Variants in IDO1 observed in about 807,000 individuals in gnomAD.
IDO1 encodes the protein indoleamine 2,3-dioxygenase 1.
Under a neutral mutation model 38.8 loss-of-function variants are expected in IDO1, and 35 were observed. That is an observed-to-expected ratio of 0.90 (90% confidence interval 0.69 to 1.20). IDO1 has a LOEUF of 1.20. Among genes scored for constraint, IDO1 ranks in the 50% most tolerant of loss-of-function variants. The pLI is 0.00. For synonymous variants in IDO1, 171 were observed against 170.0 expected, an observed-to-expected ratio of 1.01 and a Z score of -0.05; for missense variants, 509 against 485.1, an observed-to-expected ratio of 1.05 and a Z score of -0.46.
At chr8:39,914,642 G>A (rs1348149216) in intron 1 of IDO1, among the ~76,000 whole-genome samples, 1 of 152,176 alleles carries the variant, frequency 6.6e-6, no homozygotes, top group Admixed American at 6.5e-5. Context: ...TCTAACGAAT[G>A]CTATGTAAAC....
At chr8:39,925,051 T>C (rs1477889909) in intron 8 of IDO1, among the ~76,000 whole-genome samples, 172 bp from the exon 9 acceptor site, 9 of 152,172 alleles carry the variant, frequency 5.9e-5, no homozygotes, top group Admixed American at 5.9e-4. Context: ...AGGATTATAT[T>C]ATTTACTATT....
intron 6 of IDO1, among the ~76,000 whole-genome samples, chr8:39,923,102 G>T (rs972218577): frequency 2.0e-5 from 3 of 152,128 alleles, no homozygotes; most frequent in African/African-American, 7.2e-5. Flanking sequence ...TTTAATTTAT[G>T]GATTAAGACG....
chr8:39,922,653 T>C lies in IDO1; in HGVS notation c.537+2T>C. The C allele has an allele frequency of 6.3e-7, 1 of 1,598,414 alleles. No homozygotes were observed. The highest frequency in any genetic ancestry group is 8.6e-7 in the Non-Finnish European group (1 of 1,166,030). ...ATAGCAGCTGCTTCTGCAATCAAAG[T>C]ACGTCTATCCTCACTTCAAAATTTA... On this transcript the variant is annotated splice_donor_variant, in intron 6 of 9. Coordinates refer to ENST00000518237, the MANE Select transcript of IDO1 (RefSeq NM_002164.6). LOFTEE classifies it high-confidence loss of function.
At position 39,924,773 on chromosome 8, in the gene IDO1, G is replaced by T; in HGVS notation, c.707+1G>T. ...GTGTTCTTCGCATATATTTGTCTGG[G>T]TATGTAGTCTTATGTTTGAATTTGT... is the stretch of plus-strand genomic sequence containing the variant. On this transcript the variant is annotated splice_donor_variant, in intron 8 of 9. Transcript: ENST00000518237. LOFTEE classifies it high-confidence loss of function. 6.2e-7 allele frequency: 1 copy of T among 1,603,900 alleles called. No homozygotes were observed.
intron 5 of IDO1, among the ~76,000 whole-genome samples, chr8:39,921,932 C>T (rs537605896): frequency 3.9e-5 from 6 of 152,222 alleles, no homozygotes; most frequent in South Asian, 2.1e-4. Flanking sequence ...GAGAAGTTGA[C>T]GGGATAATAG....
intron 9 of IDO1, among the ~76,000 whole-genome samples, chr8:39,927,579 G>A (rs1289502871): frequency 8.8e-5 from 13 of 147,098 alleles, no homozygotes; most frequent in African/African-American, 2.5e-4. Flanking sequence ...AAAAAAAAGC[G>A]CAAACAAAAA....
chr8:39,916,078 A>C (rs377324388), intron 1 of IDO1, among the ~76,000 whole-genome samples: 1 of 152,176 alleles, frequency 6.6e-6, no homozygotes, highest in Non-Finnish European at 1.5e-5. Flanking sequence ...AGGCAGGAGA[A>C]TCGCTTGAAC....
intron 5 of IDO1, among the ~76,000 whole-genome samples, chr8:39,921,411 C>T (rs1386618404): frequency 1.3e-5 from 2 of 152,014 alleles, no homozygotes; most frequent in African/African-American, 2.4e-5. Flanking sequence ...CGAGATTGTG[C>T]CATTGCACTC....
chr8:39,921,382 G>A (rs960901883), intron 5 of IDO1, among the ~76,000 whole-genome samples: 4 of 152,082 alleles, frequency 2.6e-5, no homozygotes, highest in South Asian at 4.1e-4. Context: ...GAACCCAGGA[G>A]GCAGATGTGG....
Position 39,918,121 on chromosome 8 carries a change from C to T in IDO1, c.217C>T (p.His73Tyr). 6.2e-7 allele frequency: 1 copy of T among 1,613,906 alleles called. No homozygotes were observed. Among genetic ancestry groups the T allele is most frequent in the South Asian group, 1.1e-5 (1 of 91,088 alleles). The change falls in exon 3 of 10, where the codon CAC becomes TAC. Residue 73 changes from histidine to tyrosine, a missense_variant. His to Tyr is a moderately conservative substitution (Grantham distance 83). Transcript: ENST00000518237. ...NMLSIDHLTDHKSQRLARLVL... is the reference protein window; with the variant it reads ...NMLSIDHLTDYKSQRLARLVL... Reference sequence around the variant, plus strand: ...GCTCAGCATTGATCATCTCACAGACCACAAGTCACAGCGCCTTGCACGTCT... The same window carrying T: ...GCTCAGCATTGATCATCTCACAGACTACAAGTCACAGCGCCTTGCACGTCT...
intron 9 of IDO1, 96 bp from the exon 10 acceptor site, chr8:39,927,734 G>T: frequency 1.5e-6 from 1 of 655,872 alleles, no homozygotes; most frequent in Non-Finnish European, 2.5e-6. Flanking sequence ...ATGCTATATT[G>T]GTGATCTCCT....
chr8:39,921,010 G>A (rs1807263612), intron 5 of IDO1: 1 of 152,066 alleles, frequency 6.6e-6, no homozygotes, highest in African/African-American at 2.4e-5. Flanking sequence ...GAGTGATGGG[G>A]GAACCCTTGA....
Position 39,925,326 on chromosome 8 carries a change from C to G in IDO1, c.811C>G (p.Gln271Glu). 1 of 1,613,150 alleles carries G rather than the reference C, an allele frequency of 6.2e-7. No individual in the cohort carries two copies. Residue 271 changes from glutamine to glutamate, a missense_variant, in exon 9 of 10, where the codon CAG (glutamine) becomes GAG (glutamate). Transcript: ENST00000518237. ...GGSAGQSSVFQCFDVLLGIQQ... is the reference protein window; with the variant it reads ...GGSAGQSSVFECFDVLLGIQQ... ...CAGTGCAGGCCAAAGCAGCGTCTTT[C>G]AGTGCTTTGACGTCCTGCTGGGCAT...
At chr8:39,919,276 C>T (rs1807232265) in intron 4 of IDO1, among the ~76,000 whole-genome samples, 1 of 152,122 alleles carries the variant, frequency 6.6e-6, no homozygotes, top group African/African-American at 2.4e-5. Context: ...ATTCCCTTTC[C>T]TGCCACAGAC....
rs1807393669 is a variant in IDO1, at chr8:39,927,976, T to C, written c.1003T>C (p.Cys335Arg). 1 of 1,604,940 alleles carries C rather than the reference T, an allele frequency of 6.2e-7. No homozygotes were observed. The highest frequency in any genetic ancestry group is 8.5e-7 in the Non-Finnish European group (1 of 1,175,732). Reference sequence around the variant, plus strand: ...TGGCCTGCGGGAAGCTTATGACGCCTGTGTGAAAGCTCTGGTCTCCCTGAG... The same window carrying C: ...TGGCCTGCGGGAAGCTTATGACGCCCGTGTGAAAGCTCTGGTCTCCCTGAG... ...DAGLREAYDA[C>R]VKALVSLRSY... The change falls in exon 10 of 10, where the codon TGT becomes CGT. Residue 335 changes from cysteine to arginine, a missense_variant. Cys to Arg is a radical substitution (Grantham distance 180). Coordinates refer to ENST00000518237, the MANE Select transcript of IDO1 (RefSeq NM_002164.6).
chr8:39,926,044 G>A (rs1167218064), intron 9 of IDO1, among the ~76,000 whole-genome samples: 1 of 151,822 alleles, frequency 6.6e-6, no homozygotes, highest in African/African-American at 2.4e-5. Flanking sequence ...AAAAGTAGCT[G>A]GGCATGGTGG....
At chr8:39,919,989 C>A in intron 4 of IDO1, 111 bp from the exon 5 acceptor site, 1 of 924,170 alleles carries the variant, frequency 1.1e-6, no homozygotes, top group Non-Finnish European at 1.8e-6. Flanking sequence ...CTATGTCTTA[C>A]CTCTGATAGT....
At chr8:39,917,809 T>G in intron 1 of IDO1, 66 bp from the exon 2 acceptor site, 1 of 1,017,662 alleles carries the variant, frequency 9.8e-7, no homozygotes, top group South Asian at 1.4e-5. Context: ...CAAGGCATAC[T>G]ATCAGTGGGA....
Position 39,928,118 on chromosome 8 carries a change from C to T in IDO1, c.1145C>T (p.Thr382Ile), listed in dbSNP as rs1807396053. 1.2e-6 allele frequency: 2 copies of T among 1,613,598 alleles called. No individual in the cohort carries two copies. The highest frequency in any genetic ancestry group is 2.7e-5 in the African/African-American group (2 of 75,050). ...CTGGAAGCCAAAGGAACTGGAGGCA[C>T]TGATTTAATGAATTTCCTGAAGACT... ...SKLEAKGTGGTDLMNFLKTVR... is the reference protein window; with the variant it reads ...SKLEAKGTGGIDLMNFLKTVR... The change falls in exon 10 of 10, where the codon ACT becomes ATT. Residue 382 changes from threonine (T) to isoleucine (I), a missense_variant. Thr to Ile is a moderately conservative substitution (Grantham distance 89). Transcript: ENST00000518237.
Sources: gnomAD v4.1 joint callset for allele counts (sites outside exome capture counted in the v4.1 genomes callset) on GRCh38, gnomAD v4.1.1 for gene constraint, MANE v1.5 for transcripts, NCBI Gene and HGNC (gene_info 2026-07-23, HGNC 2026-07-21) for gene names.